Variants in CEACAM1 observed in about 807,000 individuals in gnomAD.
CEACAM1 encodes cell adhesion molecule CEACAM1.
A neutral mutation model predicts 49.1 loss-of-function variants in CEACAM1; 31 were observed. The ratio of observed to expected loss-of-function variants is 0.63; its 90% CI spans 0.47 to 0.85. The LOEUF is 0.85. Among genes scored for constraint, CEACAM1 ranks in the 40% least tolerant of loss-of-function variants. The pLI is 0.00. For missense variants in CEACAM1, 570 were observed against 645.3 expected, an observed-to-expected ratio of 0.88 and a Z score of 1.26; for synonymous variants, 244 against 247.8, an observed-to-expected ratio of 0.98 and a Z score of 0.14.
At chr19:42,522,817 G>T (rs2041791965) in intron 2 of CEACAM1, among the ~76,000 whole-genome samples, 1 of 152,154 alleles carries the variant, frequency 6.6e-6, no homozygotes, top group East Asian at 1.9e-4. Flanking sequence ...GCCTCCCAAA[G>T]TGCTGGGATT....
chr19:42,525,780 G>A (rs2041875865), intron 2 of CEACAM1: 1 of 152,182 alleles, frequency 6.6e-6, no homozygotes, highest in South Asian at 2.1e-4. Flanking sequence ...GTTACGGTCT[G>A]TGTGACCTTG....
chr19:42,509,610 T>C (rs1032103706), intron 8 of CEACAM1, among the ~76,000 whole-genome samples: 1 of 151,994 alleles, frequency 6.6e-6, no homozygotes, highest in African/African-American at 2.4e-5. Flanking sequence ...TTACTCCTCT[T>C]TGGAGGGAAG....
At chr19:42,513,656 C>A (rs774389619) in intron 5 of CEACAM1, among the ~76,000 whole-genome samples, 7 of 150,832 alleles carry the variant, frequency 4.6e-5, no homozygotes, top group Non-Finnish European at 8.8e-5. Context: ...TCTTTCTCTT[C>A]CACAGGAATC....
intron 4 of CEACAM1, 173 bp downstream of exon 4, chr19:42,521,094 A>G: frequency 1.4e-6 from 1 of 738,034 alleles, no homozygotes; most frequent in Non-Finnish European, 2.3e-6. Context: ...GAAATCAGAA[A>G]AACAAAGGGA....
rs148302261 is a variant in CEACAM1, at chr19:42,527,331, A to G, written c.134T>C (p.Val45Ala). ...QLTTESMPFN[V>A]AEGKEVLLLV... The stretch of plus-strand genomic sequence containing the variant: ...GAGAAGAACCTCCTTCCCCTCTGCA[A>G]CATTGAATGGCATGGATTCAGTAGT... Residue 45 changes from valine (V) to alanine (A), a missense_variant, in exon 2 of 9, where the codon GTT (valine) becomes GCT (alanine). By Grantham distance (64) the Val-to-Ala change is moderately conservative (BLOSUM62 0). Transcript: ENST00000161559. The G allele has an allele frequency of 2.5e-6, 4 of 1,613,844 alleles. No individual in the cohort carries two copies. Among genetic ancestry groups the G allele is most frequent in the East Asian group, 2.2e-5 (1 of 44,894 alleles).
chr19:42,511,748 C>T, intron 6 of CEACAM1, 120 bp from the exon 7 acceptor site: 1 of 857,524 alleles, frequency 1.2e-6, no homozygotes, highest in Non-Finnish European at 1.9e-6. Context: ...TACTGCCTTT[C>T]TTCTGAGGGC....
rs185280970 is a variant in CEACAM1, at chr19:42,518,704, A to G, written c.1246+244T>C. 359 of 482,804 alleles carry G rather than the reference A, an allele frequency of 7.4e-4. 1 individual carries two copies. In the Middle Eastern group the frequency reaches 8.5e-3, roughly 11 times the overall value. 29.9% of individuals were successfully genotyped at this position (482,804 alleles called of 1,614,324 possible). On this transcript the variant is annotated intron_variant, in intron 5 of 8. Transcript: ENST00000161559. ...TTTAGTAGACACGGGGTTTCACCAT[A>G]TTAGCCAGGATGGTCTCGATCTCCT...
At position 42,507,569 on chromosome 19, in the gene CEACAM1, A is replaced by G. The variant is rs1376608715; in HGVS notation, c.*1540T>C. The G allele has an allele frequency of 2.6e-5, 4 of 152,204 alleles. No homozygotes were observed. Among genetic ancestry groups the G allele is most frequent in the Non-Finnish European group, 5.9e-5 (4 of 68,036 alleles). The allele number at this position is 152,204 out of a possible 1,614,324, so 9.4% of individuals were successfully genotyped here. A position where few individuals can be genotyped will look rare whatever the true frequency, so the allele number is the denominator to read the frequency against. ...GAATAAAACCTTTCTCTTAGCCCCA[A>G]AGAGATTCCATCTGTGTAGAAGACT... On this transcript the variant is annotated 3_prime_UTR_variant, in exon 9 of 9. Transcript: ENST00000161559.
intron 6 of CEACAM1, among the ~76,000 whole-genome samples, chr19:42,511,917 T>C (rs538691391): frequency 1.9e-4 from 29 of 152,260 alleles, no homozygotes; most frequent in South Asian, 1.5e-3. Flanking sequence ...CTTTTTTTTT[T>C]TTCTCTATTT....
chr19:42,527,430 A>G, intron 1 of CEACAM1, 30 bp from the exon 2 acceptor site: 1 of 1,558,722 alleles, frequency 6.4e-7, no homozygotes, highest in Non-Finnish European at 8.7e-7. Context: ...ATCAGTCAAT[A>G]TTGGGACCTA....
chr19:42,527,504 A>AGTGTGTGTGTGTGTGTGT (rs3038002), intron 1 of CEACAM1, 104 bp from the exon 2 acceptor site: 2 of 715,566 alleles, frequency 2.8e-6, no homozygotes, highest in Admixed American at 3.0e-5. Context: ...TCCACCTTGG[A>AGTGTGTGTGTGTGTGTGT]GTGTGTGTGT....
intron 4 of CEACAM1, among the ~76,000 whole-genome samples, chr19:42,520,350 A>G (rs1056288478): frequency 6.6e-6 from 1 of 152,088 alleles, no homozygotes; most frequent in African/African-American, 2.4e-5. Context: ...TCAGGTGTTG[A>G]CTGCCTTTAT....
chr19:42,520,372 T>G lies in CEACAM1; in HGVS notation c.958+895A>C, dbSNP rs1239423706. Among the ~76,000 whole-genome samples the G allele has an allele frequency of 1.3e-5, 2 of 152,122 alleles. 1 individual carries two copies. Among genetic ancestry groups the G allele is most frequent in the South Asian group, 4.2e-4 (2 of 4,816 alleles). On this transcript the variant is annotated intron_variant, in intron 4 of 8. Coordinates refer to ENST00000161559, the MANE Select transcript of CEACAM1 (RefSeq NM_001712.5). ...TTGACTGCCTTTATTTATTTATTTA[T>G]TTAGTTTTTGAGACAGAGTCTCTCT...
In CEACAM1 at chr19:42,528,183, T is replaced by C. The variant is rs1052064010; in HGVS notation, c.64+128A>G. The C allele has an allele frequency of 7.2e-6, 5 of 698,550 alleles. No homozygotes were observed. The African/African-American group carries it at 9.1e-5, about 13-fold the overall frequency. 43.3% of individuals were successfully genotyped at this position (698,550 alleles called of 1,614,324 possible). On this transcript the variant is annotated intron_variant, in intron 1 of 8. Transcript: ENST00000161559. The stretch of plus-strand genomic sequence containing the variant: ...CCTTTTATGATCTCTATCCCTTTCA[T>C]GTCCTCTCTCCTATTTGGCTCCAAG...
rs750570525 is a variant in CEACAM1 at position 42,519,175 on chromosome 19, T to G, written c.1019A>C (p.Asp340Ala). 1 of 1,614,094 alleles carries G rather than the reference T, an allele frequency of 6.2e-7. No homozygotes were observed. Among genetic ancestry groups the G allele is most frequent in the South Asian group, 1.1e-5 (1 of 91,080 alleles). Residue 340 changes from aspartate (D) to alanine (A), a missense_variant, in exon 5 of 9, where the codon GAT (aspartate) becomes GCT (alanine). Coordinates refer to ENST00000161559, the MANE Select transcript of CEACAM1 (RefSeq NM_001712.5). ...IKASKTTVTG[D>A]KDSVNLTCST... is the part of the protein sequence containing the mutation. ...GCAGGTCAGGTTCACAGAGTCCTTATCTCCTGTGACTGTGGTCTTGCTGGC... is the reference window on the plus strand; with the variant it reads ...GCAGGTCAGGTTCACAGAGTCCTTAGCTCCTGTGACTGTGGTCTTGCTGGC...
At chr19:42,510,636 G>A (rs753838740) in intron 8 of CEACAM1, among the ~76,000 whole-genome samples, 7 of 152,188 alleles carry the variant, frequency 4.6e-5, no homozygotes, top group Non-Finnish European at 7.3e-5. Context: ...GATCAAAGAG[G>A]TTAAGTTACT....
intron 5 of CEACAM1, among the ~76,000 whole-genome samples, chr19:42,513,194 C>T (rs954974730): frequency 1.2e-4 from 19 of 152,186 alleles, no homozygotes; most frequent in African/African-American, 4.3e-4. Context: ...AACTGGCTTC[C>T]CACAGGCTCC....
intron 4 of CEACAM1, chr19:42,519,570 C>CTTT (rs34440555): frequency 2.1e-3 from 359 of 168,564 alleles, no homozygotes; most frequent in South Asian, 9.0e-3. Flanking sequence ...TTCCCACTGA[C>CTTT]TTTTTTTTTT....
At chr19:42,525,391 A>AT (rs199736806) in intron 2 of CEACAM1, among the ~76,000 whole-genome samples, 7 of 150,914 alleles carry the variant, frequency 4.6e-5, no homozygotes, top group East Asian at 1.9e-4. Flanking sequence ...TGCCCGACTA[A>AT]TTTTTTTTGT....
Sources: allele counts gnomAD v4.1 joint callset (sites outside exome capture counted in the v4.1 genomes callset), GRCh38; gene constraint gnomAD v4.1.1; transcripts MANE v1.5; gene names NCBI Gene and HGNC (gene_info 2026-07-23, HGNC 2026-07-21).